ZSWIM4: variants seen among roughly 807,000 people sequenced by gnomAD.
ZSWIM4 encodes zinc finger SWIM-type containing 4, also known as zinc finger SWIM domain-containing protein 4.
In ZSWIM4, 62 loss-of-function variants were observed where a neutral mutation model predicts 102.5. That is an observed-to-expected ratio of 0.60 (90% confidence interval 0.49 to 0.75). The LOEUF (loss-of-function observed/expected upper bound fraction) is 0.75. Ranked by LOEUF, ZSWIM4 falls within the 30% of genes least tolerant of loss-of-function variation. ZSWIM4 has a pLI of 0.00. For missense variants in ZSWIM4, 1,280 were observed against 1,529.6 expected (o/e 0.84, Z 2.72); for synonymous variants, 652 against 674.5 (o/e 0.97, Z 0.52).
At chr19:13,806,311 G>A (rs576099356) in intron 3 of ZSWIM4, among the ~76,000 whole-genome samples, 1 of 151,798 alleles carries the variant, frequency 6.6e-6, no homozygotes, top group East Asian at 2.0e-4. Flanking sequence ...CCAAAGTCCT[G>A]GGATTACAGG....
Position 13,831,225 on chromosome 19 carries a change from C to T in ZSWIM4, c.*175C>T. 2.6e-6 allele frequency: 2 copies of T among 784,084 alleles called. No homozygotes were observed. Among genetic ancestry groups the T allele is most frequent in the South Asian group, 2.0e-5 (1 of 51,168 alleles). 48.6% of individuals were successfully genotyped at this position (784,084 alleles called of 1,614,324 possible). Reference sequence around the variant, plus strand: ...ACGTGTGTGCCTGGGAGTCTGTGAGCAAGTGTGCAAGACTCCAGAAGCAGA... The same window carrying T: ...ACGTGTGTGCCTGGGAGTCTGTGAGTAAGTGTGCAAGACTCCAGAAGCAGA... On this transcript the variant is annotated 3_prime_UTR_variant, in exon 14 of 14. Coordinates refer to ENST00000590508, the MANE Select transcript of ZSWIM4 (RefSeq NM_001367834.3).
chr19:13,796,422 G>C (rs1163366865), intron 1 of ZSWIM4, among the ~76,000 whole-genome samples: 1 of 151,966 alleles, frequency 6.6e-6, no homozygotes, highest in African/African-American at 2.4e-5. Context: ...CCAGATTCCA[G>C]CTCAAGACAC....
At chr19:13,800,944 C>T (rs1328346820) in intron 2 of ZSWIM4, among the ~76,000 whole-genome samples, 1 of 152,050 alleles carries the variant, frequency 6.6e-6, no homozygotes, top group Admixed American at 6.6e-5. Flanking sequence ...GAGTTCAAGA[C>T]CAGCCTGGGC....
chr19:13,795,463 A>T lies in ZSWIM4; in HGVS notation c.-186A>T. ...GCTTCATTGTTGTGAAGAGTCTTAA[A>T]GGGGCCGCATCACCCTGCCGGCCCG... is the stretch of plus-strand genomic sequence containing the variant. On this transcript the variant is annotated 5_prime_UTR_variant, in exon 1 of 14. In the 5' UTR this introduces an upstream ATG that the reference lacks. Transcript: ENST00000590508. 5.0e-6 allele frequency: 1 copy of T among 199,004 alleles called. No individual in the cohort carries two copies. Among genetic ancestry groups the T allele is most frequent in the Non-Finnish European group, 1.0e-5 (1 of 100,216 alleles). The allele number at this position is 199,004 out of a possible 1,614,324, so 12.3% of individuals were successfully genotyped here.
chr19:13,811,207 C>T (rs1408615797), intron 5 of ZSWIM4, among the ~76,000 whole-genome samples: 5 of 152,112 alleles, frequency 3.3e-5, no homozygotes, highest in African/African-American at 9.7e-5. Context: ...GCCACCGCAC[C>T]GGCCAACATG....
intron 12 of ZSWIM4, among the ~76,000 whole-genome samples, chr19:13,826,636 G>C (rs1479312855): frequency 6.6e-6 from 1 of 152,106 alleles, no homozygotes; most frequent in Non-Finnish European, 1.5e-5. Flanking sequence ...GTGGTGGCAC[G>C]CGCCTGTAAT....
At chr19:13,817,494 G>C in intron 8 of ZSWIM4, 141 bp downstream of exon 8, 2 of 1,223,670 alleles carry the variant, frequency 1.6e-6, no homozygotes, top group Non-Finnish European at 2.3e-6. Flanking sequence ...CCTCTGGCCA[G>C]TGCCCAGAGC....
At position 13,820,919 on chromosome 19, in the gene ZSWIM4, A is replaced by G. The variant is rs115413310; in HGVS notation, c.2060+1427A>G. Among the ~76,000 whole-genome samples, 1,191 of 152,294 alleles carry G rather than the reference A, an allele frequency of 7.8e-3. 17 individuals are homozygous for G. The highest frequency in any genetic ancestry group is 0.027 in the African/African-American group (1,118 of 41,560). On this transcript the variant is annotated intron_variant, in intron 10 of 13. Coordinates refer to ENST00000590508, the MANE Select transcript of ZSWIM4 (RefSeq NM_001367834.3). The stretch of plus-strand genomic sequence containing the variant: ...CATTTACGCAATTTCCAAAAAAAAA[A>G]AAAAAAGGCAATGAATAACCTGGTT...
intron 2 of ZSWIM4, among the ~76,000 whole-genome samples, chr19:13,804,145 T>A (rs1974848804): frequency 6.6e-6 from 1 of 151,004 alleles, no homozygotes. Context: ...ATTACAGGCA[T>A]GAGCCACTGC....
Position 13,799,939 on chromosome 19 carries a change from A to C in ZSWIM4, c.355+18A>C, listed in dbSNP as rs755538182. The C allele has an allele frequency of 3.1e-6, 5 of 1,600,244 alleles. No homozygotes were observed. Among genetic ancestry groups the C allele is most frequent in the African/African-American group, 1.3e-5 (1 of 74,276 alleles). Reference sequence around the variant, plus strand: ...GCAAGTGGGTGAGTCTTTGTCCCCCACTCCTGCTGGGGAGGCCAGGAGGTC... The same window carrying C: ...GCAAGTGGGTGAGTCTTTGTCCCCCCCTCCTGCTGGGGAGGCCAGGAGGTC... On this transcript the variant is annotated intron_variant, in intron 2 of 13. Transcript: ENST00000590508.
rs1975401813 is a variant in ZSWIM4, at chr19:13,819,494, T to A, written c.2060+2T>A. On this transcript the variant is annotated splice_donor_variant, in intron 10 of 13. Transcript: ENST00000590508. LOFTEE classifies it high-confidence loss of function. The stretch of plus-strand genomic sequence containing the variant: ...TCGCCTCGCGCTGCGAGCTATGAGG[T>A]GAGGATAGGTGGCCAAGGCAGTGGC... 6.3e-7 allele frequency: 1 copy of A among 1,589,380 alleles called. No individual in the cohort carries two copies. Among genetic ancestry groups the A allele is most frequent in the Non-Finnish European group, 8.6e-7 (1 of 1,168,168 alleles).
Position 13,817,803 on chromosome 19 carries a change from C to A in ZSWIM4, c.1751C>A (p.Ala584Glu). Reference protein sequence around the residue: ...GSPGESYLVLALEVALLGLGQ... With the variant: ...GSPGESYLVLELEVALLGLGQ... ...CCTGGGGAGTCCTACTTGGTGCTGG[C>A]GCTGGAGGTGGCACTGCTGGGGCTG... is the stretch of plus-strand genomic sequence containing the variant. Residue 584 changes from alanine (A) to glutamate (E), a missense_variant, in exon 9 of 14, where the codon GCG becomes GAG. Coordinates refer to ENST00000590508, the MANE Select transcript of ZSWIM4 (RefSeq NM_001367834.3). 1 of 1,588,492 alleles carries A rather than the reference C, an allele frequency of 6.3e-7. No homozygotes were observed. Among genetic ancestry groups the A allele is most frequent in the Non-Finnish European group, 8.6e-7 (1 of 1,168,824 alleles).
chr19:13,819,437 G>C lies in ZSWIM4; in HGVS notation c.2005G>C (p.Ala669Pro). ...CACCTGTGCCCGCTACCTGTTCACC[G>C]CACTGCTGCCTCATGACCCGGACCT... ...MHTCARYLFTALLPHDPDLAY... is the reference protein window; with the variant it reads ...MHTCARYLFTPLLPHDPDLAY... Residue 669 changes from alanine to proline, a missense_variant, in exon 10 of 14, where the codon GCA becomes CCA. Coordinates refer to ENST00000590508, the MANE Select transcript of ZSWIM4 (RefSeq NM_001367834.3). 6.2e-7 allele frequency: 1 copy of C among 1,610,076 alleles called. No homozygotes were observed. Among genetic ancestry groups the C allele is most frequent in the Non-Finnish European group, 8.5e-7 (1 of 1,178,350 alleles).
At position 13,830,582 on chromosome 19, in the gene ZSWIM4, C is replaced by T; in HGVS notation, c.2853C>T (p.Ile951=). ...LATLALAQLS[I]AFNQDSHPAV... ...CGCTGGCCCTGGCGCAGCTCAGCAT[C>T]GCCTTCAACCAGGACAGCCACCCTG... is the stretch of plus-strand genomic sequence containing the variant. Residue 951 remains isoleucine (I), a synonymous_variant, in exon 14 of 14, where the codon ATC becomes ATT. Transcript: ENST00000590508. The T allele has an allele frequency of 2.5e-6, 4 of 1,599,842 alleles. No individual in the cohort carries two copies. The highest frequency in any genetic ancestry group is 3.4e-6 in the Non-Finnish European group (4 of 1,179,772).
chr19:13,804,503 C>T (rs749253218), intron 2 of ZSWIM4, among the ~76,000 whole-genome samples: 2 of 148,364 alleles, frequency 1.3e-5, no homozygotes, highest in Non-Finnish European at 2.9e-5. Flanking sequence ...TAAAATTAGC[C>T]GGGCATGGTG....
intron 11 of ZSWIM4, among the ~76,000 whole-genome samples, chr19:13,824,786 C>T (rs1047138958): frequency 1.3e-5 from 2 of 150,484 alleles, no homozygotes; most frequent in African/African-American, 4.9e-5. Context: ...TAAAAGCTAA[C>T]ATTTGAGCAG....
intron 9 of ZSWIM4, among the ~76,000 whole-genome samples, chr19:13,818,863 CT>C (rs1284826097): frequency 7.2e-6 from 1 of 138,228 alleles, no homozygotes; most frequent in Non-Finnish European, 1.5e-5. Context: ...GGTCCCCTGC[CT>C]CCTCTTTTTT....
intron 2 of ZSWIM4, 53 bp from the exon 3 acceptor site, chr19:13,804,739 A>G (rs1365294502): frequency 6.8e-7 from 1 of 1,478,448 alleles, no homozygotes; most frequent in African/African-American, 1.4e-5. Flanking sequence ...TGTACCACAA[A>G]CACCGCCTGT....
intron 6 of ZSWIM4, among the ~76,000 whole-genome samples, chr19:13,813,920 C>CAAAA (rs34407290): frequency 6.0e-5 from 6 of 100,504 alleles, no homozygotes; most frequent in Admixed American, 2.3e-4. Flanking sequence ...GACCCTGTCT[C>CAAAA]AAAAAAAAAA....
Sources: gnomAD v4.1 joint callset for allele counts (sites outside exome capture counted in the v4.1 genomes callset) on GRCh38, gnomAD v4.1.1 for gene constraint, MANE v1.5 for transcripts, NCBI Gene and HGNC (gene_info 2026-07-23, HGNC 2026-07-21) for gene names.